The following TEX26 variants were observed in gnomAD, a reference collection of about 807,000 sequenced individuals.
TEX26 encodes the protein testis expressed 26.
Under a neutral mutation model 35.3 loss-of-function variants are expected in TEX26, and 34 were observed. The ratio of observed to expected loss-of-function variants is 0.96; its 90% CI spans 0.73 to 1.28. The LOEUF is 1.28. Ranked by LOEUF, TEX26 falls within the 50% of genes most tolerant of loss-of-function variation. TEX26 has a pLI of 0.00. For synonymous variants in TEX26, 136 were observed against 111.8 expected (o/e 1.22, Z -1.36); for missense variants, 371 against 330.1 (o/e 1.12, Z -0.96).
chr13:30,940,322 C>CTTTT lies in TEX26; in HGVS notation c.146+570_146+573dup, dbSNP rs869246492. Among the ~76,000 whole-genome samples, 128 of 52,072 alleles carry CTTTT rather than the reference C, an allele frequency of 2.5e-3. 25 individuals carry two copies. Among genetic ancestry groups the CTTTT allele is most frequent in the Non-Finnish European group, 3.4e-3 (102 of 29,738 alleles). 34.2% of individuals were successfully genotyped at this position (52,072 alleles called of 152,430 possible). A position where few individuals can be genotyped will look rare whatever the true frequency, so the allele number is the denominator to read the frequency against. On this transcript the variant is annotated intron_variant, in intron 2 of 6. Transcript: ENST00000380473. ...GTGGGAGTTTCTAAACATCAGCTGC[C>CTTTT]TTTTTTTTTTTTTTTTTTTTTTTTT...
intron 4 of TEX26, among the ~76,000 whole-genome samples, chr13:30,963,128 G>A (rs1379509168): frequency 6.6e-6 from 1 of 152,040 alleles, no homozygotes; most frequent in Non-Finnish European, 1.5e-5. Context: ...GTGCTCAGCT[G>A]GTCCTAATAG....
intron 2 of TEX26, among the ~76,000 whole-genome samples, chr13:30,950,645 G>C (rs1269236045): frequency 6.6e-6 from 1 of 152,174 alleles, no homozygotes; most frequent in Admixed American, 6.5e-5. Context: ...TCTCAGCCAT[G>C]CTCTATGACT....
intron 4 of TEX26, among the ~76,000 whole-genome samples, chr13:30,965,454 T>C (rs1381958975): frequency 1.3e-5 from 2 of 152,200 alleles, no homozygotes; most frequent in African/African-American, 4.8e-5. Context: ...ATGAAACTCA[T>C]ATTTTTGACA....
At chr13:30,973,431 A>C (rs1314497751) in intron 6 of TEX26, 1 of 152,198 alleles carries the variant, frequency 6.6e-6, no homozygotes, top group African/African-American at 2.4e-5. Context: ...GGAATGATCT[A>C]TATCATCCTG....
At chr13:30,964,403 A>T (rs1954455842) in intron 4 of TEX26, among the ~76,000 whole-genome samples, 1 of 152,188 alleles carries the variant, frequency 6.6e-6, no homozygotes, top group Non-Finnish European at 1.5e-5. Context: ...TGTTCTGTAG[A>T]TATCTTTGTA....
chr13:30,948,182 T>C (rs185858542), intron 2 of TEX26, among the ~76,000 whole-genome samples: 28 of 152,328 alleles, frequency 1.8e-4, no homozygotes, highest in Non-Finnish European at 1.0e-4. Context: ...CTATTGTGAA[T>C]AGTGCCGCAA....
intron 6 of TEX26, among the ~76,000 whole-genome samples, chr13:30,974,131 A>AATATATATATATATATATAT (rs1555271791): frequency 9.5e-5 from 8 of 84,406 alleles, no homozygotes; most frequent in East Asian, 6.3e-4. Flanking sequence ...AAAAAAAAAA[A>AATATATATATATATATATAT]ATATATATAT....
chr13:30,956,128 T>A (rs1954117138), intron 3 of TEX26, among the ~76,000 whole-genome samples: 1 of 151,784 alleles, frequency 6.6e-6, no homozygotes, highest in Non-Finnish European at 1.5e-5. Flanking sequence ...ACTAGTCATT[T>A]AGCATTAGGT....
intron 3 of TEX26, 151 bp downstream of exon 3, chr13:30,952,976 C>T (rs1953987559): frequency 1.4e-6 from 1 of 714,032 alleles, no homozygotes; most frequent in Non-Finnish European, 2.2e-6. Flanking sequence ...TCTACCTTCT[C>T]ACATTTATTT....
intron 5 of TEX26, among the ~76,000 whole-genome samples, chr13:30,967,120 C>G (rs1012135105): frequency 6.6e-6 from 1 of 152,134 alleles, no homozygotes; most frequent in Non-Finnish European, 1.5e-5. Context: ...ACATGTGCAT[C>G]CCCTGAAAGT....
At chr13:30,948,523 T>C (rs1305340612) in intron 2 of TEX26, among the ~76,000 whole-genome samples, 1 of 152,196 alleles carries the variant, frequency 6.6e-6, no homozygotes, top group Non-Finnish European at 1.5e-5. Context: ...TGTTTTTTGG[T>C]CGCATAAATC....
chr13:30,953,009 C>T (rs749557019), intron 3 of TEX26, among the ~76,000 whole-genome samples, 184 bp downstream of exon 3: 28 of 152,082 alleles, frequency 1.8e-4, no homozygotes, highest in Admixed American at 9.8e-4. Flanking sequence ...GTTCTATCCC[C>T]TGGAGTTTTT....
Position 30,953,842 on chromosome 13 carries a change from C to T in TEX26, c.312+1017C>T, listed in dbSNP as rs540445610. On this transcript the variant is annotated intron_variant, in intron 3 of 6. Transcript: ENST00000380473. Reference sequence around the variant, plus strand: ...AAGGGTTTCATTTGCTTGACTGCCACATGGGATGGGACAACCTGGGATGGA... The same window carrying T: ...AAGGGTTTCATTTGCTTGACTGCCATATGGGATGGGACAACCTGGGATGGA... 7.2e-5 allele frequency among the ~76,000 whole-genome samples: 11 copies of T among 152,294 alleles called. 1 individual carries two copies. In the South Asian group the frequency reaches 2.3e-3, roughly 32 times the overall value.
At chr13:30,948,261 G>A (rs544145088) in intron 2 of TEX26, among the ~76,000 whole-genome samples, 3 of 152,270 alleles carry the variant, frequency 2.0e-5, no homozygotes, top group South Asian at 2.1e-4. Context: ...ACCTAGTAAT[G>A]GGATGGCTGG....
intron 2 of TEX26, among the ~76,000 whole-genome samples, chr13:30,941,809 T>A (rs117292663): frequency 0.01 from 1,527 of 152,268 alleles, 12 homozygotes; most frequent in Non-Finnish European, 0.014. Flanking sequence ...TCCAGCTCCA[T>A]CCAAGTTGCT....
intron 1 of TEX26, among the ~76,000 whole-genome samples, chr13:30,938,084 G>A (rs1953339629): frequency 6.6e-6 from 1 of 152,180 alleles, no homozygotes; most frequent in Non-Finnish European, 1.5e-5. Context: ...GTATTCTAGG[G>A]ATGAAGGGAT....
intron 2 of TEX26, among the ~76,000 whole-genome samples, chr13:30,945,329 A>C (rs368416492): frequency 6.6e-6 from 1 of 151,552 alleles, no homozygotes; most frequent in African/African-American, 2.4e-5. Context: ...CCTTGGGTTT[A>C]TATGAATCCT....
intron 2 of TEX26, among the ~76,000 whole-genome samples, chr13:30,951,061 G>C (rs142306043): frequency 3.9e-5 from 6 of 152,108 alleles, no homozygotes; most frequent in Non-Finnish European, 8.8e-5. Flanking sequence ...GGTGGTCCAC[G>C]GCTGTAATCC....
At chr13:30,943,660 G>A (rs954047321) in intron 2 of TEX26, among the ~76,000 whole-genome samples, 1 of 151,732 alleles carries the variant, frequency 6.6e-6, no homozygotes, top group African/African-American at 2.4e-5. Context: ...GTTTGTTGAA[G>A]GTTTTTATCA....
Sources: allele counts gnomAD v4.1 joint callset (sites outside exome capture counted in the v4.1 genomes callset), GRCh38; gene constraint gnomAD v4.1.1; transcripts MANE v1.5; gene names NCBI Gene and HGNC (gene_info 2026-07-23, HGNC 2026-07-21).